The following SMIM36 variants were observed in gnomAD, a reference collection of about 807,000 sequenced individuals.
SMIM36 encodes small integral membrane protein 36.
At chr17:55,482,923 T>C (rs1003835745) in intron 1 of SMIM36, among the ~76,000 whole-genome samples, 1 of 152,236 alleles carries the variant, frequency 6.6e-6, no homozygotes, top group African/African-American at 2.4e-5. Flanking sequence ...CACTTACGAC[T>C]ATAGCTTCAA....
At chr17:55,487,316 C>G (rs1044737343) in intron 1 of SMIM36, among the ~76,000 whole-genome samples, 2 of 152,090 alleles carry the variant, frequency 1.3e-5, no homozygotes, top group Non-Finnish European at 2.9e-5. Context: ...TAAACCTGCA[C>G]GTTGTGCACA....
At chr17:55,460,847 G>A (rs1909136917) in intron 4 of SMIM36, among the ~76,000 whole-genome samples, 1 of 152,002 alleles carries the variant, frequency 6.6e-6, no homozygotes, top group South Asian at 2.1e-4. Context: ...GACAGAGTGA[G>A]ACCCTGTCTC....
intron 4 of SMIM36, among the ~76,000 whole-genome samples, chr17:55,455,619 G>A (rs1036883250): frequency 3.9e-5 from 6 of 151,918 alleles, no homozygotes; most frequent in Non-Finnish European, 5.9e-5. Context: ...GTGAGACCTC[G>A]TCTCTACGAA....
chr17:55,454,638 C>T (rs952057440), intron 4 of SMIM36, among the ~76,000 whole-genome samples: 5 of 152,084 alleles, frequency 3.3e-5, no homozygotes, highest in African/African-American at 1.2e-4. Context: ...TGATAGTATA[C>T]GTACTGCTGT....
At chr17:55,496,328 C>G (rs1294259162) in intron 1 of SMIM36, among the ~76,000 whole-genome samples, 1 of 151,964 alleles carries the variant, frequency 6.6e-6, no homozygotes, top group Non-Finnish European at 1.5e-5. Context: ...ATGCGTCAAG[C>G]AGAGAACCAG....
rs1016029251 is a variant in SMIM36, at chr17:55,479,093, G to A, written c.*296-280C>T. 3.3e-5 allele frequency among the ~76,000 whole-genome samples: 5 copies of A among 152,176 alleles called. No individual in the cohort carries two copies. In the South Asian group the frequency reaches 1.0e-3, roughly 32 times the overall value. On this transcript the variant is annotated intron_variant, in intron 2 of 4. Coordinates refer to ENST00000636752, the Ensembl canonical transcript of SMIM36. The stretch of plus-strand genomic sequence containing the variant: ...GTTTCTCCCAGGCATTGAGTCAGCT[G>A]CAGATCCTGACAATGACTTCCAAGG...
chr17:55,527,715 C>A, the SMIM36 span: 4 of 152,122 alleles, frequency 2.6e-5, no homozygotes, highest in African/African-American at 9.7e-5. Context: ...GCACGCTTAC[C>A]AAGAGAGGGC....
chr17:55,452,391 G>A (rs1343849944), intron 4 of SMIM36, among the ~76,000 whole-genome samples: 1 of 152,198 alleles, frequency 6.6e-6, no homozygotes, highest in Non-Finnish European at 1.5e-5. Flanking sequence ...ACAGCAGAGT[G>A]AAGTTGCTAA....
At chr17:55,529,440 T>C in the SMIM36 span, among the ~76,000 whole-genome samples, 1 of 151,734 alleles carries the variant, frequency 6.6e-6, no homozygotes, top group South Asian at 2.1e-4. Flanking sequence ...CTGGGTGACA[T>C]GGTGAAATGC....
chr17:55,456,281 A>ATAGT (rs112662358), intron 4 of SMIM36, among the ~76,000 whole-genome samples: 5,357 of 152,134 alleles, frequency 0.035, 275 homozygotes, highest in African/African-American at 0.11. Flanking sequence ...AGTCACATCC[A>ATAGT]TAGTTCCAGA....
chr17:55,500,821 ATTTTAT>A lies in SMIM36; in HGVS notation c.*174+10052_*174+10057del, dbSNP rs1909903050. Among the ~76,000 whole-genome samples, 2 of 32,810 alleles carry A rather than the reference ATTTTAT, an allele frequency of 6.1e-5. 1 individual carries two copies. Among genetic ancestry groups the A allele is most frequent in the Admixed American group, 9.4e-4 (2 of 2,132 alleles). The allele number at this position is 32,810 out of a possible 152,430, so 21.5% of individuals were successfully genotyped here. A position where few individuals can be genotyped will look rare whatever the true frequency, so the allele number is the denominator to read the frequency against. On this transcript the variant is annotated intron_variant, in intron 1 of 4. Transcript: ENST00000636752. ...TTTATAATATATTATAATATATTAT[ATTTTAT>A]AATATATATTATAATATATTATATT...
chr17:55,494,815 C>A (rs1909780662), intron 1 of SMIM36, among the ~76,000 whole-genome samples: 1 of 152,096 alleles, frequency 6.6e-6, no homozygotes, highest in Non-Finnish European at 1.5e-5. Context: ...CACAGGCACA[C>A]ACGCACACAC....
the SMIM36 span, among the ~76,000 whole-genome samples, chr17:55,530,405 G>A: frequency 6.6e-6 from 1 of 152,318 alleles, no homozygotes; most frequent in South Asian, 2.1e-4. Flanking sequence ...TATTGGTGGA[G>A]GCAGAAGGTT....
chr17:55,492,628 TAA>T (rs57104591), intron 1 of SMIM36, among the ~76,000 whole-genome samples: 15 of 143,242 alleles, frequency 1.0e-4, no homozygotes, highest in Non-Finnish European at 1.1e-4. Context: ...TACACCCACT[TAA>T]AAAAAAAAAA....
chr17:55,456,004 G>A (rs1033119497), intron 4 of SMIM36, among the ~76,000 whole-genome samples: 2 of 149,266 alleles, frequency 1.3e-5, no homozygotes, highest in Non-Finnish European at 3.0e-5. Context: ...TGTAATCCCA[G>A]CTACCTGGGA....
intron 1 of SMIM36, among the ~76,000 whole-genome samples, chr17:55,507,742 GA>G (rs1159058317): frequency 2.0e-5 from 3 of 147,188 alleles, no homozygotes; most frequent in East Asian, 2.0e-4. Context: ...AAAAAAAAAA[GA>G]AAAAAAAAGA....
intron 1 of SMIM36, among the ~76,000 whole-genome samples, chr17:55,485,079 T>C (rs1909581366): frequency 6.6e-6 from 1 of 152,170 alleles, no homozygotes; most frequent in Non-Finnish European, 1.5e-5. Context: ...TTTTTAGAGA[T>C]GCATAATGAA....
At chr17:55,458,153 T>A (rs1371759850) in intron 4 of SMIM36, 1 of 152,246 alleles carries the variant, frequency 6.6e-6, no homozygotes, top group Admixed American at 6.5e-5. Context: ...TTAGAACCAA[T>A]TATTTGGTGT....
the SMIM36 span, among the ~76,000 whole-genome samples, chr17:55,529,632 A>G: frequency 3.3e-5 from 5 of 151,868 alleles, no homozygotes; most frequent in Admixed American, 3.3e-4. Flanking sequence ...ACACACACAC[A>G]CACACACAGA....
Sources: allele counts gnomAD v4.1 joint callset (sites outside exome capture counted in the v4.1 genomes callset), GRCh38; gene constraint gnomAD v4.1.1; transcripts MANE v1.5; gene names NCBI Gene and HGNC (gene_info 2026-07-23, HGNC 2026-07-21).